The following ARHGAP29 variants were observed in gnomAD, a reference collection of about 807,000 sequenced individuals.
The protein encoded by ARHGAP29 is rho GTPase-activating protein 29.
ARHGAP29 carries 43 observed loss-of-function variants against 122.6 expected under a neutral mutation model. That is an observed-to-expected ratio of 0.35 (90% CI 0.27 to 0.45). The LOEUF (loss-of-function observed/expected upper bound fraction) is 0.45, where lower values mean the gene tolerates loss of function less well. Ranked by LOEUF, ARHGAP29 falls within the 20% of genes least tolerant of loss-of-function variation. ARHGAP29 has a pLI of 1.00. For missense variants in ARHGAP29, 1,303 were observed against 1,477.2 expected (o/e 0.88, Z 1.93); for synonymous variants, 506 against 497.1 (o/e 1.02, Z -0.24).
intron 1 of ARHGAP29, among the ~76,000 whole-genome samples, chr1:94,259,410 A>C: frequency 6.6e-6 from 1 of 152,214 alleles, no homozygotes; most frequent in East Asian, 1.9e-4. Flanking sequence ...ATGTCCCCAT[A>C]AAATGCATGT....
intron 11 of ARHGAP29, 30 bp downstream of exon 11, chr1:94,202,514 C>T: frequency 6.2e-7 from 1 of 1,610,334 alleles, no homozygotes; most frequent in Non-Finnish European, 8.5e-7. Flanking sequence ...GCTAATTCAA[C>T]TTGCAAATAA....
chr1:94,179,833 T>C lies in ARHGAP29; in HGVS notation c.2372A>G (p.Asn791Ser). The C allele has an allele frequency of 6.2e-7, 1 of 1,613,370 alleles. No individual in the cohort carries two copies. The stretch of plus-strand genomic sequence containing the variant: ...AATTCGGTTTATTTCTATACACATA[T>C]TTGGCCATTTTTTGTCTTCAAGACT... ...KNSLEDKKWP[N>S]MCIEINRILL... is the part of the protein sequence containing the mutation. The change falls in exon 20 of 23, where the codon AAT becomes AGT. Residue 791 changes from asparagine (N) to serine (S), a missense_variant. Physicochemically the swap from Asn to Ser is conservative, Grantham distance 46. Transcript: ENST00000260526.
the ARHGAP29 span, among the ~76,000 whole-genome samples, chr1:94,284,049 A>T: frequency 1.3e-5 from 2 of 150,270 alleles, no homozygotes; most frequent in Non-Finnish European, 3.0e-5. Flanking sequence ...TTCTTAGGTT[A>T]TGTTGATTCT....
At chr1:94,261,401 C>T (rs190560874) in intron 1 of ARHGAP29, among the ~76,000 whole-genome samples, 28 of 152,192 alleles carry the variant, frequency 1.8e-4, no homozygotes, top group African/African-American at 3.6e-4. Context: ...CTGTGTTATG[C>T]GTGCAGGTCA....
In ARHGAP29 at chr1:94,169,138, C is replaced by T. The variant is rs1400120321; in HGVS notation, c.*4731G>A. Among the ~76,000 whole-genome samples, 2 of 152,140 alleles carry T rather than the reference C, an allele frequency of 1.3e-5. No homozygotes were observed. Among genetic ancestry groups the T allele is most frequent in the Admixed American group, 6.5e-5 (1 of 15,270 alleles). On this transcript the variant is annotated 3_prime_UTR_variant, in exon 23 of 23. Coordinates refer to ENST00000260526, the MANE Select transcript of ARHGAP29 (RefSeq NM_004815.4). ...AACATTCCTGGTAAATATGTATAATCGTACACTTTTAAACTTTCTCTGATA... is the reference window on the plus strand; with the variant it reads ...AACATTCCTGGTAAATATGTATAATTGTACACTTTTAAACTTTCTCTGATA...
At chr1:94,196,243 T>A (rs1312675132) in intron 12 of ARHGAP29, among the ~76,000 whole-genome samples, 1 of 140,222 alleles carries the variant, frequency 7.1e-6, no homozygotes, top group Non-Finnish European at 1.5e-5. Flanking sequence ...AGTTTCGATT[T>A]TTCCGTGTTT....
chr1:94,196,192 G>A (rs1210024488), intron 12 of ARHGAP29, among the ~76,000 whole-genome samples: 1 of 150,558 alleles, frequency 6.6e-6, no homozygotes, highest in Non-Finnish European at 1.5e-5. Flanking sequence ...AAGTGTACAT[G>A]TGGAAAATTC....
At chr1:94,191,078 A>G (rs1353922570) in intron 12 of ARHGAP29, 1 of 152,182 alleles carries the variant, frequency 6.6e-6, no homozygotes, top group Non-Finnish European at 1.5e-5. Context: ...CTCAAGAAAG[A>G]GATGAAAGGT....
Position 94,208,825 on chromosome 1 carries a change from A to G in ARHGAP29, c.510+7T>C, listed in dbSNP as rs766318204. On this transcript the variant is annotated splice_region_variant and intron_variant, in intron 5 of 22. Transcript: ENST00000260526. ...AAAGACTTTGCTTTCACACAAACTT[A>G]GCTTACCTTAGTTTCTCGAGAAACA... The G allele has an allele frequency of 3.7e-6, 6 of 1,613,094 alleles. No individual in the cohort carries two copies. The Admixed American group carries it at 5.0e-5, about 13-fold the overall frequency.
chr1:94,280,212 A>G, the ARHGAP29 span, among the ~76,000 whole-genome samples: 1 of 152,160 alleles, frequency 6.6e-6, no homozygotes, highest in East Asian at 1.9e-4. Flanking sequence ...GAGATTAACA[A>G]GAGGACACAA....
chr1:94,229,664 T>C (rs1652813897), intron 2 of ARHGAP29, among the ~76,000 whole-genome samples: 1 of 151,730 alleles, frequency 6.6e-6, no homozygotes, highest in Non-Finnish European at 1.5e-5. Flanking sequence ...TTTTTAAAAT[T>C]AAATTTCAGT....
the ARHGAP29 span, among the ~76,000 whole-genome samples, chr1:94,312,800 A>T: frequency 6.6e-6 from 1 of 151,748 alleles, no homozygotes; most frequent in East Asian, 1.9e-4. Flanking sequence ...CCCTATAGGT[A>T]CTTCAATCTC....
the ARHGAP29 span, among the ~76,000 whole-genome samples, chr1:94,308,991 C>T: frequency 1.3e-5 from 2 of 152,208 alleles, no homozygotes; most frequent in African/African-American, 4.8e-5. Context: ...CCCGAATTTG[C>T]ACTGGACTGC....
chr1:94,203,657 C>T (rs1431186339), intron 8 of ARHGAP29, among the ~76,000 whole-genome samples: 1 of 151,976 alleles, frequency 6.6e-6, no homozygotes, highest in Non-Finnish European at 1.5e-5. Flanking sequence ...TCGCTTGAGC[C>T]TCGGGGGACA....
Position 94,174,699 on chromosome 1 carries a change from T to G in ARHGAP29, c.2956A>C (p.Ile986Leu). The change falls in exon 23 of 23, where the codon ATA (isoleucine) becomes CTA (leucine). Residue 986 changes from isoleucine (I) to leucine (L), a missense_variant. Around this residue, in one of 3 missense-constraint regions of ARHGAP29, gnomAD observed 620 missense variants for 651.2 expected, o/e 0.95. Coordinates refer to ENST00000260526, the MANE Select transcript of ARHGAP29 (RefSeq NM_004815.4). Reference sequence around the variant, plus strand: ...GGCTTAGGGGTTTTACCATCTTCTATCTTTTGGGATGCTGATTCAGCCTCT... The same window carrying G: ...GGCTTAGGGGTTTTACCATCTTCTAGCTTTTGGGATGCTGATTCAGCCTCT... ...DQEAESASQKIEDGKTPKPLS... is the reference protein window; with the variant it reads ...DQEAESASQKLEDGKTPKPLS... The G allele has an allele frequency of 1.9e-6, 3 of 1,614,082 alleles. No individual in the cohort carries two copies. In the South Asian group the frequency reaches 3.3e-5, roughly 18 times the overall value.
intron 1 of ARHGAP29, among the ~76,000 whole-genome samples, chr1:94,236,745 CCT>C (rs928385822): frequency 6.6e-6 from 1 of 152,016 alleles, no homozygotes; most frequent in African/African-American, 2.4e-5. Flanking sequence ...CTGGGACAAA[CCT>C]CTGAGACTGA....
intron 1 of ARHGAP29, among the ~76,000 whole-genome samples, chr1:94,235,456 T>C (rs1390863743): frequency 6.6e-6 from 1 of 152,184 alleles, no homozygotes; most frequent in Non-Finnish European, 1.5e-5. Context: ...AGATGAACCA[T>C]AAAGAAAAGT....
the ARHGAP29 span, among the ~76,000 whole-genome samples, chr1:94,310,156 G>T: frequency 6.6e-6 from 1 of 152,176 alleles, no homozygotes; most frequent in African/African-American, 2.4e-5. Flanking sequence ...CCAGAAAACT[G>T]CCACAACTGC....
chr1:94,209,526 T>C (rs1311964365), intron 3 of ARHGAP29, among the ~76,000 whole-genome samples, 176 bp from the exon 4 acceptor site: 2 of 152,226 alleles, frequency 1.3e-5, no homozygotes, highest in Non-Finnish European at 2.9e-5. Context: ...ATGAAATTCA[T>C]ATAAAAGAAT....
Sources: allele counts gnomAD v4.1 joint callset (sites outside exome capture counted in the v4.1 genomes callset), GRCh38; gene constraint gnomAD v4.1.1; regional missense constraint gnomAD v4.1.1; transcripts MANE v1.5; gene names NCBI Gene and HGNC (gene_info 2026-07-23, HGNC 2026-07-21).